Variants in CHAT observed in about 807,000 individuals in gnomAD.
CHAT encodes choline O-acetyltransferase.
Under a neutral mutation model 76.9 loss-of-function variants are expected in CHAT, and 61 were observed. The ratio of observed to expected loss-of-function variants is 0.79; its 90% CI spans 0.65 to 0.98. The LOEUF (loss-of-function observed/expected upper bound fraction) is 0.98. CHAT is among the 50% of genes least tolerant of loss of function. The pLI is 0.00. For missense variants in CHAT, 946 were observed against 986.9 expected, an observed-to-expected ratio of 0.96 and a Z score of 0.56; for synonymous variants, 407 against 397.4, an observed-to-expected ratio of 1.02 and a Z score of -0.29.
intron 13 of CHAT, among the ~76,000 whole-genome samples, chr10:49,657,826 C>T (rs538316338): frequency 6.6e-6 from 1 of 152,276 alleles, no homozygotes; most frequent in Admixed American, 6.5e-5. Context: ...AGTGAAAGAG[C>T]CTAGTCAGCA....
intron 4 of CHAT, among the ~76,000 whole-genome samples, chr10:49,621,833 T>C (rs919916131): frequency 6.6e-6 from 1 of 151,998 alleles, no homozygotes; most frequent in East Asian, 1.9e-4. Context: ...AGGCTTGTGG[T>C]GGGCTCTCGG....
chr10:49,633,630 C>A (rs959575506), intron 7 of CHAT, among the ~76,000 whole-genome samples: 1 of 152,180 alleles, frequency 6.6e-6, no homozygotes. Flanking sequence ...CCTTCCTGAA[C>A]CCAGGAGGAG....
chr10:49,636,049 C>A (rs185004007), intron 7 of CHAT, among the ~76,000 whole-genome samples: 1 of 152,202 alleles, frequency 6.6e-6, no homozygotes, highest in Admixed American at 6.5e-5. Context: ...TCCAAAAACT[C>A]CTAGAATACA....
rs987161474 is a variant in CHAT, at chr10:49,665,404, G to T, written c.*358G>T. On this transcript the variant is annotated 3_prime_UTR_variant, in exon 15 of 15. Coordinates refer to ENST00000337653, the MANE Select transcript of CHAT (RefSeq NM_020549.5). ...GCAGGACCTAGTATGTCCAGGTGAT[G>T]CTTCTGCCCAAGGAAAGGATGAGTC... Among the ~76,000 whole-genome samples, 13 of 152,150 alleles carry T rather than the reference G, an allele frequency of 8.5e-5. No homozygotes were observed. Among genetic ancestry groups the T allele is most frequent in the African/African-American group, 2.7e-4 (11 of 41,420 alleles).
intron 7 of CHAT, among the ~76,000 whole-genome samples, chr10:49,642,472 G>C (rs1438049049): frequency 6.6e-6 from 1 of 152,262 alleles, no homozygotes; most frequent in Non-Finnish European, 1.5e-5. Context: ...GCCTGCACAT[G>C]ATGGCAAGGC....
chr10:49,644,393 G>A (rs1042951945), intron 7 of CHAT, among the ~76,000 whole-genome samples: 1 of 152,220 alleles, frequency 6.6e-6, no homozygotes, highest in African/African-American at 2.4e-5. Context: ...AGAGGGTAAT[G>A]TGGTGACTGC....
At chr10:49,650,765 T>C (rs1839851036) in intron 10 of CHAT, among the ~76,000 whole-genome samples, 1 of 152,036 alleles carries the variant, frequency 6.6e-6, no homozygotes, top group South Asian at 2.1e-4. Context: ...GCTGGGAAGC[T>C]GAAGAGCGGG....
intron 10 of CHAT, 49 bp downstream of exon 10, chr10:49,649,685 G>C: frequency 6.2e-7 from 1 of 1,606,740 alleles, no homozygotes; most frequent in Non-Finnish European, 8.5e-7. Context: ...GGACCACCCC[G>C]CCCTTGCCTA....
chr10:49,610,347 G>A (rs367717926), upstream of CHAT: 13 of 195,506 alleles, frequency 6.6e-5, no homozygotes, highest in African/African-American at 2.6e-4. Flanking sequence ...CAGCGGCGGG[G>A]CTAACGGGCG....
At chr10:49,634,677 G>A (rs1590589307) in intron 7 of CHAT, among the ~76,000 whole-genome samples, 2 of 152,196 alleles carry the variant, frequency 1.3e-5, no homozygotes, top group Middle Eastern at 3.4e-3. Context: ...AGTAATGTTT[G>A]GGGTACAAGA....
In CHAT at chr10:49,665,382, G is replaced by C. The variant is rs1840320089; in HGVS notation, c.*336G>C. ...AGTGTTCATGTCTCCTTCCCTAGCA[G>C]GACCTAGTATGTCCAGGTGATGCTT... On this transcript the variant is annotated 3_prime_UTR_variant, in exon 15 of 15. Transcript: ENST00000337653. 6.6e-6 allele frequency among the ~76,000 whole-genome samples: 1 copy of C among 152,130 alleles called. No individual in the cohort carries two copies. Among genetic ancestry groups the C allele is most frequent in the African/African-American group, 2.4e-5 (1 of 41,412 alleles).
At chr10:49,642,079 G>A (rs1839499413) in intron 7 of CHAT, among the ~76,000 whole-genome samples, 2 of 152,130 alleles carry the variant, frequency 1.3e-5, no homozygotes, top group Admixed American at 6.5e-5. Flanking sequence ...GTCAGAGCAG[G>A]CTCCTCCTAT....
At position 49,616,557 on chromosome 10, in the gene CHAT, G is replaced by A. The variant is rs1291026922; in HGVS notation, c.342G>A (p.Lys114=). 1 of 1,613,178 alleles carries A rather than the reference G, an allele frequency of 6.2e-7. No individual in the cohort carries two copies. The highest frequency in any genetic ancestry group is 8.5e-7 in the Non-Finnish European group (1 of 1,179,538). The change falls in exon 2 of 15, where the codon AAG becomes AAA. Residue 114 remains lysine (K), a synonymous_variant. Transcript: ENST00000337653. ...PGLTKTPILE[K]VPRKMAAKTP... is the part of the protein sequence containing the mutation. Reference sequence around the variant, plus strand: ...TCACCAAGACGCCCATCCTGGAAAAGGTCCCCCGTAAGATGGCAGCAAAAA... The same window carrying A: ...TCACCAAGACGCCCATCCTGGAAAAAGTCCCCCGTAAGATGGCAGCAAAAA...
chr10:49,618,221 G>GATTC (rs1838570606), intron 2 of CHAT, among the ~76,000 whole-genome samples: 2 of 152,190 alleles, frequency 1.3e-5, no homozygotes, highest in Non-Finnish European at 2.9e-5. Context: ...TTCAGGTCCG[G>GATTC]AGATCAGCTA....
chr10:49,614,053 G>T lies in CHAT; in HGVS notation c.-137G>T. The T allele has an allele frequency of 1.4e-6, 2 of 1,450,796 alleles. No homozygotes were observed. The highest frequency in any genetic ancestry group is 1.9e-6 in the Non-Finnish European group (2 of 1,069,986). 89.9% of individuals were successfully genotyped at this position (1,450,796 alleles called of 1,614,324 possible). A position where few individuals can be genotyped will look rare whatever the true frequency, so the allele number is the denominator to read the frequency against. On this transcript the variant is annotated 5_prime_UTR_variant, in exon 1 of 15. Transcript: ENST00000337653. ...GTGACTGGGAAATGCTGAGCTAGGG[G>T]CAGGAGGCATGGGCGGGACAGTGTT...
chr10:49,630,930 C>T (rs1839097934), intron 7 of CHAT, among the ~76,000 whole-genome samples: 6 of 152,140 alleles, frequency 3.9e-5, no homozygotes, highest in Admixed American at 3.9e-4. Flanking sequence ...GTGAAATAGC[C>T]TCCTGGAAAG....
intron 2 of CHAT, among the ~76,000 whole-genome samples, chr10:49,618,821 G>C (rs1434750037): frequency 6.6e-6 from 1 of 152,228 alleles, no homozygotes; most frequent in African/African-American, 2.4e-5. Flanking sequence ...AATTCCTCTG[G>C]AAGTATAAGA....
At chr10:49,651,087 G>A (rs570143344) in intron 10 of CHAT, among the ~76,000 whole-genome samples, 4 of 152,228 alleles carry the variant, frequency 2.6e-5, no homozygotes, top group South Asian at 4.1e-4. Context: ...GTCCTGAGGG[G>A]CCCATACAAG....
upstream of CHAT, chr10:49,612,243 G>A (rs1838320356): frequency 6.2e-7 from 1 of 1,609,880 alleles, no homozygotes; most frequent in African/African-American, 1.3e-5. Flanking sequence ...GCCTGCGTGA[G>A]CGTCCTGTGT....
Sources: allele counts gnomAD v4.1 joint callset (sites outside exome capture counted in the v4.1 genomes callset), GRCh38; gene constraint gnomAD v4.1.1; transcripts MANE v1.5; gene names NCBI Gene and HGNC (gene_info 2026-07-23, HGNC 2026-07-21).